The following SLC16A12 variants were observed in gnomAD, a reference collection of about 807,000 sequenced individuals.
SLC16A12 encodes solute carrier family 16 member 12, also known as monocarboxylate transporter 12.
In SLC16A12, 17 loss-of-function variants were observed where a neutral mutation model predicts 42.4. The observed-to-expected ratio is 0.40, with a 90% CI of 0.27 to 0.60. The LOEUF is 0.60. Among genes scored for constraint, SLC16A12 ranks in the 20% least tolerant of loss-of-function variants. SLC16A12 has a pLI of 0.42. For missense variants in SLC16A12, 544 were observed against 623.0 expected, an observed-to-expected ratio of 0.87 and a Z score of 1.35; for synonymous variants, 224 against 229.4, an observed-to-expected ratio of 0.98 and a Z score of 0.21.
intron 1 of SLC16A12, among the ~76,000 whole-genome samples, chr10:89,534,878 G>C (rs980283171): frequency 8.6e-5 from 13 of 151,808 alleles, no homozygotes; most frequent in Non-Finnish European, 1.8e-4. Flanking sequence ...TGTGAAAACG[G>C]AAGACTAACC....
intron 7 of SLC16A12, among the ~76,000 whole-genome samples, chr10:89,435,799 T>C (rs1247326255): frequency 6.6e-6 from 1 of 152,114 alleles, no homozygotes. Flanking sequence ...GCTCCCATCA[T>C]TAATATGGAA....
At chr10:89,435,552 A>T (rs1841766476) in intron 7 of SLC16A12, among the ~76,000 whole-genome samples, 1 of 152,206 alleles carries the variant, frequency 6.6e-6, no homozygotes, top group South Asian at 2.1e-4. Context: ...CACATTTTCT[A>T]ACATATATAC....
chr10:89,434,102 C>T lies in SLC16A12; in HGVS notation c.1289-776G>A, dbSNP rs574136808. On this transcript the variant is annotated intron_variant, in intron 7 of 7. Transcript: ENST00000371790. ...AGTATATGATTTCTTCTCTTACCCA[C>T]TTCAGATCCATTCGTCAAAAATAGC... is the stretch of plus-strand genomic sequence containing the variant. Among the ~76,000 whole-genome samples the T allele has an allele frequency of 6.2e-4, 95 of 152,270 alleles. No homozygotes were observed. In the Middle Eastern group the frequency reaches 0.01, roughly 16 times the overall value.
rs568446343 is a variant in SLC16A12, at chr10:89,455,259, T to C, written c.200+7120A>G. ...GCCCCCAGATGATGATATTTTCAAA[T>C]TATAAATAATAATCTCTTTTTTTCA... On this transcript the variant is annotated intron_variant, in intron 3 of 7. Coordinates refer to ENST00000371790, the MANE Select transcript of SLC16A12 (RefSeq NM_213606.4). 2.0e-5 allele frequency among the ~76,000 whole-genome samples: 3 copies of C among 152,260 alleles called. No individual in the cohort carries two copies. The South Asian group carries it at 6.2e-4, about 32-fold the overall frequency.
intron 2 of SLC16A12, among the ~76,000 whole-genome samples, chr10:89,483,085 T>C (rs1842692043): frequency 6.6e-6 from 1 of 151,880 alleles, no homozygotes; most frequent in African/African-American, 2.4e-5. Flanking sequence ...ACAGCTCCCT[T>C]CCTGGCTTGA....
At chr10:89,486,640 AAAGAAAGAAAGAAAGAAAGAAAGAAAAG>A (rs1257273730) in intron 2 of SLC16A12, among the ~76,000 whole-genome samples, 27 of 122,154 alleles carry the variant, frequency 2.2e-4, no homozygotes, top group African/African-American at 7.6e-4. Context: ...AGAAAGAAAG[AAAGAAAGAAAGAAAGAAAGAAAGAAAAG>A]AAAGAAAGAA....
At chr10:89,493,844 A>T (rs1292950014) in intron 2 of SLC16A12, among the ~76,000 whole-genome samples, 1 of 152,244 alleles carries the variant, frequency 6.6e-6, no homozygotes, top group Non-Finnish European at 1.5e-5. Flanking sequence ...ATGAGTGTGT[A>T]TCATTAAGCA....
At chr10:89,513,078 AG>A (rs1426179311) in intron 2 of SLC16A12, among the ~76,000 whole-genome samples, 1 of 152,176 alleles carries the variant, frequency 6.6e-6, no homozygotes, top group Admixed American at 6.6e-5. Flanking sequence ...ACAGGAAAAC[AG>A]TTTGTTTTTC....
intron 2 of SLC16A12, among the ~76,000 whole-genome samples, chr10:89,543,096 T>A (rs1843725154): frequency 6.6e-6 from 1 of 152,224 alleles, no homozygotes; most frequent in South Asian, 2.1e-4. Context: ...TAACTTCCCT[T>A]GAAAGGCATT....
intron 2 of SLC16A12, among the ~76,000 whole-genome samples, chr10:89,470,024 G>C (rs303206): frequency 1.3e-5 from 2 of 151,862 alleles, no homozygotes; most frequent in African/African-American, 4.8e-5. Flanking sequence ...TATTTTTTAA[G>C]AAATCTTCTG....
chr10:89,539,258 C>A (rs1190798641), upstream of SLC16A12, among the ~76,000 whole-genome samples: 2 of 152,096 alleles, frequency 1.3e-5, no homozygotes, highest in Admixed American at 6.5e-5. Flanking sequence ...AGTTAAGTAA[C>A]CTTTCGCTGA....
At chr10:89,528,488 T>C (rs1269379938) in intron 2 of SLC16A12, among the ~76,000 whole-genome samples, 2 of 152,196 alleles carry the variant, frequency 1.3e-5, no homozygotes, top group African/African-American at 2.4e-5. Flanking sequence ...GATTTGGTTG[T>C]TTTGACATCT....
intron 2 of SLC16A12, among the ~76,000 whole-genome samples, chr10:89,487,843 C>A (rs1842783063): frequency 2.2e-5 from 3 of 139,322 alleles, no homozygotes; most frequent in African/African-American, 5.3e-5. Flanking sequence ...AGTGTTATTT[C>A]TCTGTCAAAA....
In SLC16A12 at chr10:89,434,967, AG is replaced by A. The variant is rs147782477; in HGVS notation, c.1288+1092del. On this transcript the variant is annotated intron_variant, in intron 7 of 7. Transcript: ENST00000371790. The stretch of plus-strand genomic sequence containing the variant: ...ACCACATGCTTTAGGAAGGAGAAAC[AG>A]CTTCTGACCTGTTTACTCCTGTCTC... Among the ~76,000 whole-genome samples, 4 of 152,354 alleles carry A rather than the reference AG, an allele frequency of 2.6e-5. No homozygotes were observed. In the East Asian group the frequency reaches 5.8e-4, roughly 22 times the overall value.
At chr10:89,488,139 A>G (rs1003175776) in intron 2 of SLC16A12, among the ~76,000 whole-genome samples, 2 of 151,816 alleles carry the variant, frequency 1.3e-5, no homozygotes, top group African/African-American at 4.8e-5. Context: ...ATGTTTCTGC[A>G]GCAACAAGGA....
chr10:89,452,658 C>A (rs1842113136), intron 3 of SLC16A12, among the ~76,000 whole-genome samples: 1 of 152,054 alleles, frequency 6.6e-6, no homozygotes, highest in Non-Finnish European at 1.5e-5. Flanking sequence ...AAAAATGGAA[C>A]AGTGTGGTGA....
chr10:89,448,197 C>T (rs954782843), intron 3 of SLC16A12, among the ~76,000 whole-genome samples: 1 of 152,146 alleles, frequency 6.6e-6, no homozygotes, highest in African/African-American at 2.4e-5. Context: ...GGAGCTGGTA[C>T]CATTCCTTCT....
chr10:89,506,769 A>G (rs1413905085), intron 2 of SLC16A12, among the ~76,000 whole-genome samples: 2 of 152,104 alleles, frequency 1.3e-5, no homozygotes, highest in Non-Finnish European at 2.9e-5. Flanking sequence ...GGGTAATAAC[A>G]AACTCCTCCA....
At chr10:89,475,859 C>T (rs746980505) in intron 2 of SLC16A12, among the ~76,000 whole-genome samples, 7 of 152,332 alleles carry the variant, frequency 4.6e-5, no homozygotes, top group Middle Eastern at 3.4e-3. Context: ...TCGTGATTCA[C>T]ATACGAGGCA....
Sources: gnomAD v4.1 joint callset for allele counts (sites outside exome capture counted in the v4.1 genomes callset) on GRCh38, gnomAD v4.1.1 for gene constraint, MANE v1.5 for transcripts, NCBI Gene and HGNC (gene_info 2026-07-23, HGNC 2026-07-21) for gene names.